Variants in VNN2 observed in about 807,000 individuals in gnomAD.
VNN2 encodes pantetheine hydrolase VNN2.
Under a neutral mutation model 43.0 loss-of-function variants are expected in VNN2, and 43 were observed. That is an observed-to-expected ratio of 1.00 (90% CI 0.78 to 1.29). VNN2 has a LOEUF of 1.29. VNN2 is among the 50% of genes most tolerant of loss of function. VNN2 has a pLI of 0.00. For missense variants in VNN2, 652 were observed against 619.7 expected (o/e 1.05, Z -0.55); for synonymous variants, 230 against 224.3 (o/e 1.03, Z -0.23).
Position 132,757,780 on chromosome 6 carries a change from A to G in VNN2, c.104T>C (p.Val35Ala), listed in dbSNP as rs776906501. Residue 35 changes from valine to alanine, a missense_variant, in exon 1 of 7, where the codon GTC (valine) becomes GCC (alanine). Physicochemically the swap from Val to Ala is moderately conservative, Grantham distance 64. Transcript: ENST00000326499. ...SFIAAVYEHA[V>A]ILPNKTETPV... The stretch of plus-strand genomic sequence containing the variant: ...TGTTTCTGTTTTATTTGGCAAAATG[A>G]CAGCATGTTCATACACTGCAGCTAT... 6.2e-7 allele frequency: 1 copy of G among 1,614,198 alleles called. No homozygotes were observed. Among genetic ancestry groups the G allele is most frequent in the Non-Finnish European group, 8.5e-7 (1 of 1,180,036 alleles).
At chr6:132,748,251 C>A (rs1460251733) in intron 6 of VNN2, among the ~76,000 whole-genome samples, 4 of 152,130 alleles carry the variant, frequency 2.6e-5, no homozygotes, top group Non-Finnish European at 5.9e-5. Flanking sequence ...AGACTCCTTG[C>A]TGTAGATTTA....
Position 132,757,711 on chromosome 6 carries a change from A to G in VNN2, c.173T>C (p.Ile58Thr), listed in dbSNP as rs908438178. The G allele has an allele frequency of 2.5e-6, 4 of 1,614,032 alleles. No individual in the cohort carries two copies. The highest frequency in any genetic ancestry group is 3.3e-5 in the Admixed American group (2 of 59,986). Residue 58 changes from isoleucine (I) to threonine (T), a missense_variant, in exon 1 of 7, where the codon ATA (isoleucine) becomes ACA (threonine). Transcript: ENST00000326499. ...CTTGATCGCTGTCTCCAGAATGTCTATATTCTCGTTCATGAGATTCAAGGC... is the reference window on the plus strand; with the variant it reads ...CTTGATCGCTGTCTCCAGAATGTCTGTATTCTCGTTCATGAGATTCAAGGC... ...EDALNLMNEN[I>T]DILETAIKQA...
At chr6:132,750,941 A>G (rs541521847) in intron 5 of VNN2, among the ~76,000 whole-genome samples, 2 of 152,300 alleles carry the variant, frequency 1.3e-5, no homozygotes, top group South Asian at 4.1e-4. Context: ...ATAAGATTAT[A>G]CTTAATTCCC....
At chr6:132,758,058 T>G, upstream of VNN2, 4 of 550,800 alleles carry the variant, frequency 7.3e-6, 1 homozygote, top group Non-Finnish European at 1.2e-5. Context: ...TTTTTTTTTT[T>G]TTTTTGAGGC....
At position 132,757,788 on chromosome 6, in the gene VNN2, T is replaced by C; in HGVS notation, c.96A>G (p.Glu32=). The stretch of plus-strand genomic sequence containing the variant: ...TTTTATTTGGCAAAATGACAGCATG[T>C]TCATACACTGCAGCTATAAAACTGT... ...TQDSFIAAVY[E]HAVILPNKTE... Residue 32 remains glutamate, a synonymous_variant, in exon 1 of 7, where the codon GAA becomes GAG. Coordinates refer to ENST00000326499, the MANE Select transcript of VNN2 (RefSeq NM_004665.6). 6.2e-7 allele frequency: 1 copy of C among 1,614,128 alleles called. No homozygotes were observed. The highest frequency in any genetic ancestry group is 1.1e-5 in the South Asian group (1 of 91,090).
At chr6:132,749,171 A>G (rs1420036885) in intron 6 of VNN2, among the ~76,000 whole-genome samples, 1 of 152,168 alleles carries the variant, frequency 6.6e-6, no homozygotes, top group Non-Finnish European at 1.5e-5. Flanking sequence ...GTGTGATTTT[A>G]TAGCTCTTCC....
chr6:132,750,371 G>A (rs535003180), intron 5 of VNN2, among the ~76,000 whole-genome samples: 1 of 151,866 alleles, frequency 6.6e-6, no homozygotes, highest in African/African-American at 2.4e-5. Context: ...CAGGTGTGGT[G>A]GTTCACACAT....
chr6:132,763,426 T>C (rs1034294311), exon 1 of VNN2: 1 of 152,162 alleles, frequency 6.6e-6, no homozygotes, highest in African/African-American at 2.4e-5. Context: ...GGATCTCAGC[T>C]GCTTTCCTTT....
At chr6:132,758,638 TTG>T (rs1025551691), upstream of VNN2, among the ~76,000 whole-genome samples, 2 of 152,188 alleles carry the variant, frequency 1.3e-5, no homozygotes, top group African/African-American at 2.4e-5. Context: ...GTCACTTACA[TTG>T]TGTTTATTTT....
Position 132,751,370 on chromosome 6 carries a change from G to T in VNN2, c.975C>A (p.Thr325=). 6.2e-7 allele frequency: 1 copy of T among 1,614,174 alleles called. No homozygotes were observed. Among genetic ancestry groups the T allele is most frequent in the Non-Finnish European group, 8.5e-7 (1 of 1,180,028 alleles). Residue 325 remains threonine (T), a synonymous_variant, in exon 5 of 7, where the codon ACC becomes ACA. Coordinates refer to ENST00000326499, the MANE Select transcript of VNN2 (RefSeq NM_004665.6). ...PTAVNWNAYA[T]TIKPFPVQKN... ...TCTGTACTGGAAATGGTTTGATGGT[G>T]GTGGCGTAGGCATTCCAATTAACAG... is the stretch of plus-strand genomic sequence containing the variant.
Position 132,756,042 on chromosome 6 carries a change from C to G in VNN2, c.345-7G>C. Reference sequence around the variant, plus strand: ...TACTGGTGTGTGACCAAATCTAAACCAAATTATAATTAAGAAATTTCAATT... The same window carrying G: ...TACTGGTGTGTGACCAAATCTAAACGAAATTATAATTAAGAAATTTCAATT... On this transcript the variant is annotated splice_region_variant and splice_polypyrimidine_tract_variant and intron_variant, in intron 2 of 6. Coordinates refer to ENST00000326499, the MANE Select transcript of VNN2 (RefSeq NM_004665.6). 1 of 1,551,836 alleles carries G rather than the reference C, an allele frequency of 6.4e-7. No homozygotes were observed. Among genetic ancestry groups the G allele is most frequent in the Non-Finnish European group, 8.7e-7 (1 of 1,152,994 alleles).
At chr6:132,762,224 A>T (rs577139223), upstream of VNN2, among the ~76,000 whole-genome samples, 1 of 152,192 alleles carries the variant, frequency 6.6e-6, no homozygotes, top group Non-Finnish European at 1.5e-5. Flanking sequence ...GAAGGAGAGG[A>T]GCTGCTCCAG....
chr6:132,749,608 A>T, intron 6 of VNN2, 87 bp downstream of exon 6: 1 of 1,293,762 alleles, frequency 7.7e-7, no homozygotes, highest in Non-Finnish European at 1.1e-6. Flanking sequence ...TACACAGCAG[A>T]AGTTAACTGG....
chr6:132,752,639 G>A lies in VNN2; in HGVS notation c.648C>T (p.Phe216=), dbSNP rs2114577204. 6.2e-7 allele frequency: 1 copy of A among 1,614,164 alleles called. No homozygotes were observed. ...FGIFTCFDIF[F]YDPGVTLVKD... ...TCACCAGGGTAACACCAGGATCATA[G>A]AAGAATATATCAAAGCACGTGAAAA... The change falls in exon 4 of 7, where the codon TTC becomes TTT. Residue 216 remains phenylalanine (F), a synonymous_variant. Coordinates refer to ENST00000326499, the MANE Select transcript of VNN2 (RefSeq NM_004665.6).
At chr6:132,751,008 G>T in intron 5 of VNN2, 137 bp downstream of exon 5, 1 of 992,288 alleles carries the variant, frequency 1.0e-6, no homozygotes, top group Non-Finnish European at 1.5e-6. Flanking sequence ...GTGTGTGTGT[G>T]TGTTGTGTGT....
At chr6:132,751,033 C>T in intron 5 of VNN2, 112 bp downstream of exon 5, 1 of 1,317,976 alleles carries the variant, frequency 7.6e-7, no homozygotes, top group Non-Finnish European at 1.0e-6. Context: ...GTGTTGCCAT[C>T]AATGCATGGA....
upstream of VNN2, chr6:132,758,000 T>TTTCTTCCTCTTCTTCTTCTTC (rs1780594599): frequency 3.0e-6 from 1 of 336,122 alleles, no homozygotes; most frequent in African/African-American, 3.6e-5. Context: ...TATCATCATT[T>TTTCTTCCTCTTCTTCTTCTTC]TTCTTCTTCT....
At chr6:132,751,950 T>C (rs960764117) in intron 4 of VNN2, among the ~76,000 whole-genome samples, 1 of 152,206 alleles carries the variant, frequency 6.6e-6, no homozygotes, top group African/African-American at 2.4e-5. Context: ...CTGGACTTAG[T>C]GACTCACTTC....
At chr6:132,749,902 A>T in intron 5 of VNN2, 37 bp from the exon 6 acceptor site, 1 of 1,569,610 alleles carries the variant, frequency 6.4e-7, no homozygotes, top group East Asian at 2.3e-5. Context: ...GCAATGCCTT[A>T]CATTGAAGTT....
Sources: gnomAD v4.1 joint callset for allele counts (sites outside exome capture counted in the v4.1 genomes callset) on GRCh38, gnomAD v4.1.1 for gene constraint, MANE v1.5 for transcripts, NCBI Gene and HGNC (gene_info 2026-07-23, HGNC 2026-07-21) for gene names.